The following GALNT13 variants were observed in gnomAD, a reference collection of about 807,000 sequenced individuals.
GALNT13 encodes the protein UDP-GalNAc:polypeptide N-acetylgalactosaminyltransferase 13.
GALNT13 carries 28 observed loss-of-function variants against 64.2 expected under a neutral mutation model. The observed-to-expected ratio is 0.44, with a 90% confidence interval of 0.32 to 0.60. The LOEUF is 0.60. Among genes scored for constraint, GALNT13 ranks in the 20% least tolerant of loss-of-function variants. The pLI is 0.05. For synonymous variants in GALNT13, 214 were observed against 224.6 expected (o/e 0.95, Z 0.42); for missense variants, 577 against 669.8 (o/e 0.86, Z 1.53).
At chr2:153,072,017 G>A in the GALNT13 span, among the ~76,000 whole-genome samples, 2 of 152,014 alleles carry the variant, frequency 1.3e-5, no homozygotes, top group African/African-American at 4.8e-5. Context: ...CAAAACAGCT[G>A]GAATAATTTA....
chr2:153,102,110 G>A, the GALNT13 span, among the ~76,000 whole-genome samples: 647 of 151,962 alleles, frequency 4.3e-3, no homozygotes, highest in Non-Finnish European at 6.4e-3. Context: ...TCTCCCTTTT[G>A]CTCTGTCAGG....
chr2:153,588,409 A>G, the GALNT13 span, among the ~76,000 whole-genome samples: 8 of 152,184 alleles, frequency 5.3e-5, no homozygotes, highest in Non-Finnish European at 1.0e-4. Context: ...ATCTTCTGAA[A>G]TCCAGCAGAG....
chr2:153,106,265 T>C, the GALNT13 span, among the ~76,000 whole-genome samples: 3 of 152,172 alleles, frequency 2.0e-5, no homozygotes, highest in African/African-American at 7.2e-5. Context: ...AATTATGCAT[T>C]GCTCCCTCCC....
intron 3 of GALNT13, 59 bp from the exon 4 acceptor site, chr2:154,140,278 T>G (rs1683184518): frequency 8.0e-7 from 1 of 1,253,826 alleles, no homozygotes; most frequent in East Asian, 2.4e-5. Flanking sequence ...ACAAGTTTAT[T>G]TATTCAGTTC....
intron 9 of GALNT13, among the ~76,000 whole-genome samples, chr2:154,382,512 T>A (rs927519625): frequency 2.0e-5 from 3 of 152,076 alleles, no homozygotes; most frequent in African/African-American, 7.2e-5. Flanking sequence ...TAGAAGAAGA[T>A]AAATACTGCA....
At chr2:153,900,380 G>C (rs571311838) in intron 1 of GALNT13, among the ~76,000 whole-genome samples, 1 of 152,244 alleles carries the variant, frequency 6.6e-6, no homozygotes, top group East Asian at 1.9e-4. Flanking sequence ...AACTGTTTGT[G>C]TATTTTTGTG....
chr2:153,301,262 A>G, the GALNT13 span, among the ~76,000 whole-genome samples: 3 of 132,796 alleles, frequency 2.3e-5, no homozygotes, highest in Admixed American at 2.5e-4. Context: ...GTGAGCTGAG[A>G]TCACACCACT....
intron 4 of GALNT13, among the ~76,000 whole-genome samples, chr2:154,195,443 C>T (rs1686826403): frequency 1.3e-5 from 2 of 152,096 alleles, no homozygotes; most frequent in South Asian, 4.1e-4. Flanking sequence ...ATAAATGACT[C>T]AACCGGGTGA....
At chr2:154,433,255 A>G (rs955688572) in intron 11 of GALNT13, among the ~76,000 whole-genome samples, 13 of 152,086 alleles carry the variant, frequency 8.5e-5, no homozygotes, top group Non-Finnish European at 1.8e-4. Flanking sequence ...TGCACTGCCT[A>G]AGGTTAGCCT....
At chr2:154,083,232 C>T (rs556708624) in intron 3 of GALNT13, among the ~76,000 whole-genome samples, 7 of 151,956 alleles carry the variant, frequency 4.6e-5, no homozygotes, top group African/African-American at 1.7e-4. Flanking sequence ...AGATGTGTAG[C>T]ATTATTTCTG....
chr2:153,682,404 A>G, the GALNT13 span, among the ~76,000 whole-genome samples: 1 of 151,714 alleles, frequency 6.6e-6, no homozygotes, highest in Non-Finnish European at 1.5e-5. Flanking sequence ...TCCTAAATCA[A>G]TATCTTACAG....
At chr2:153,530,817 G>A in the GALNT13 span, among the ~76,000 whole-genome samples, 36 of 152,224 alleles carry the variant, frequency 2.4e-4, no homozygotes, top group African/African-American at 7.9e-4. Context: ...AAATGGTGCT[G>A]GGAAAACTGG....
chr2:153,534,810 T>A, the GALNT13 span, among the ~76,000 whole-genome samples: 4 of 152,034 alleles, frequency 2.6e-5, no homozygotes, highest in Non-Finnish European at 5.9e-5. Flanking sequence ...ACACTTCTTT[T>A]GTGGTGGAAT....
At chr2:154,404,729 T>A (rs1001545356) in intron 10 of GALNT13, among the ~76,000 whole-genome samples, 1 of 152,110 alleles carries the variant, frequency 6.6e-6, no homozygotes, top group Non-Finnish European at 1.5e-5. Flanking sequence ...GAAGACACTT[T>A]GGGGAATAAA....
chr2:154,234,618 G>A (rs189952018), intron 4 of GALNT13, among the ~76,000 whole-genome samples: 6 of 151,946 alleles, frequency 3.9e-5, no homozygotes, highest in African/African-American at 1.4e-4. Context: ...CTCATTTTTG[G>A]TTATAGAAAA....
chr2:154,187,395 C>CAT (rs997229199), intron 4 of GALNT13, among the ~76,000 whole-genome samples: 1 of 151,198 alleles, frequency 6.6e-6, no homozygotes, highest in African/African-American at 2.4e-5. Context: ...CACACACACA[C>CAT]ACACACACAC....
At chr2:153,259,719 G>T in the GALNT13 span, among the ~76,000 whole-genome samples, 1 of 152,100 alleles carries the variant, frequency 6.6e-6, no homozygotes, top group Non-Finnish European at 1.5e-5. Context: ...TGATAGTGAG[G>T]CCTCCCCAGC....
chr2:153,266,521 C>T, the GALNT13 span, among the ~76,000 whole-genome samples: 5,249 of 152,158 alleles, frequency 0.034, 313 homozygotes, highest in African/African-American at 0.12. Flanking sequence ...AGAAAACTTA[C>T]AATCACAGTG....
chr2:153,945,166 A>C (rs948802765), intron 3 of GALNT13, among the ~76,000 whole-genome samples: 1 of 152,230 alleles, frequency 6.6e-6, no homozygotes, highest in African/African-American at 2.4e-5. Flanking sequence ...TAAGTGAAAA[A>C]GATAATTTCA....
Sources: gnomAD v4.1 joint callset for allele counts (sites outside exome capture counted in the v4.1 genomes callset) on GRCh38, gnomAD v4.1.1 for gene constraint, MANE v1.5 for transcripts, NCBI Gene and HGNC (gene_info 2026-07-23, HGNC 2026-07-21) for gene names.